Variants in ERI3 observed in about 807,000 individuals in gnomAD.
ERI3 encodes the protein ERI1 exoribonuclease family member 3.
Under a neutral mutation model 44.4 loss-of-function variants are expected in ERI3, and 18 were observed. The observed-to-expected ratio is 0.41, with a 90% CI of 0.28 to 0.60. The LOEUF (loss-of-function observed/expected upper bound fraction) is 0.60, where lower values mean the gene tolerates loss of function less well. Among genes scored for constraint, ERI3 ranks in the 20% least tolerant of loss-of-function variants. The pLI is 0.36. For missense variants in ERI3, 294 were observed against 435.5 expected, an observed-to-expected ratio of 0.68 and a Z score of 2.89; for synonymous variants, 183 against 164.8, an observed-to-expected ratio of 1.11 and a Z score of -0.84.
intron 7 of ERI3, 113 bp downstream of exon 7, chr1:44,284,722 A>G: frequency 1.3e-6 from 1 of 777,632 alleles, no homozygotes; most frequent in Non-Finnish European, 2.2e-6. Flanking sequence ...AAGAAAAGAG[A>G]AGAACAAAAA....
rs772693706 is a variant in ERI3 at position 44,319,654 on chromosome 1, G to C, written c.580C>G (p.Pro194Ala). ...FHMYVQPVVH[P>A]QLTPFCTELT... is the part of the protein sequence containing the mutation. ...TCTGTACAGAATGGGGTAAGCTGTG[G>C]ATGGACTACAGGCTGGACATACATG... Residue 194 changes from proline (P) to alanine (A), a missense_variant, in exon 4 of 9, where the codon CCA (proline) becomes GCA (alanine). Pro to Ala is a conservative substitution (Grantham distance 27). Around this residue, in one of 2 missense-constraint regions of ERI3, gnomAD observed 187 missense variants for 338.6 expected, o/e 0.55. Transcript: ENST00000372257. 6.2e-7 allele frequency: 1 copy of C among 1,613,986 alleles called. No individual in the cohort carries two copies. The highest frequency in any genetic ancestry group is 1.3e-5 in the African/African-American group (1 of 75,032).
At chr1:44,258,432 G>A (rs543651013) in intron 7 of ERI3, among the ~76,000 whole-genome samples, 2 of 152,202 alleles carry the variant, frequency 1.3e-5, no homozygotes, top group Non-Finnish European at 2.9e-5. Context: ...TTCCCCCTGG[G>A]AAAAAGAAGA....
At chr1:44,262,526 C>G (rs1319363123) in intron 7 of ERI3, among the ~76,000 whole-genome samples, 1 of 152,210 alleles carries the variant, frequency 6.6e-6, no homozygotes, top group Non-Finnish European at 1.5e-5. Context: ...TCTGGGCACC[C>G]ACGCCCTCAC....
intron 7 of ERI3, among the ~76,000 whole-genome samples, chr1:44,272,872 A>AAAATG (rs1475213247): frequency 7.2e-6 from 1 of 139,416 alleles, no homozygotes; most frequent in Non-Finnish European, 1.7e-5. Flanking sequence ...AAAATAAAAT[A>AAAATG]AAATAAAATA....
chr1:44,281,878 A>ATGTGTGTGTGTGTG (rs10574197), intron 7 of ERI3, among the ~76,000 whole-genome samples: 61 of 127,014 alleles, frequency 4.8e-4, no homozygotes, highest in Middle Eastern at 4.1e-3. Flanking sequence ...ACATGTGCAT[A>ATGTGTGTGTGTGTG]TGTGTGTGTG....
At chr1:44,318,881 C>A (rs985314505) in intron 4 of ERI3, among the ~76,000 whole-genome samples, 2 of 152,262 alleles carry the variant, frequency 1.3e-5, no homozygotes, top group Non-Finnish European at 2.9e-5. Context: ...TTGGCCACCA[C>A]TGAGTGCATT....
At chr1:44,261,227 C>T (rs767894028) in intron 7 of ERI3, among the ~76,000 whole-genome samples, 3 of 152,220 alleles carry the variant, frequency 2.0e-5, no homozygotes, top group Non-Finnish European at 2.9e-5. Context: ...CAGGTAGGAG[C>T]GGGGTGGGCC....
chr1:44,299,157 T>C (rs1484400311), intron 6 of ERI3, among the ~76,000 whole-genome samples: 1 of 152,126 alleles, frequency 6.6e-6, no homozygotes, highest in Non-Finnish European at 1.5e-5. Context: ...CATTTGTGTA[T>C]TTATGCATCT....
chr1:44,266,825 C>G (rs1223982792), intron 7 of ERI3, among the ~76,000 whole-genome samples: 1 of 152,234 alleles, frequency 6.6e-6, no homozygotes, highest in African/African-American at 2.4e-5. Flanking sequence ...GATCTCTGAT[C>G]TCTGCCCTCA....
At chr1:44,319,595 G>A (rs750551825) in intron 4 of ERI3, 33 bp downstream of exon 4, 1 of 1,503,474 alleles carries the variant, frequency 6.7e-7, no homozygotes, top group South Asian at 1.1e-5. Context: ...TCCCCTCCCA[G>A]CAGCCCCTGC....
At chr1:44,314,430 A>G (rs1322235952) in intron 4 of ERI3, among the ~76,000 whole-genome samples, 1 of 152,180 alleles carries the variant, frequency 6.6e-6, no homozygotes, top group Non-Finnish European at 1.5e-5. Context: ...AACTGTTTTT[A>G]TATTAATCTG....
chr1:44,322,974 C>A (rs1201572621), intron 3 of ERI3: 2 of 1,363,984 alleles, frequency 1.5e-6, no homozygotes, highest in Non-Finnish European at 9.6e-7. Flanking sequence ...CAAGTGCCAG[C>A]CTCTATGTCC....
intron 6 of ERI3, among the ~76,000 whole-genome samples, chr1:44,289,312 AC>A (rs755062552): frequency 6.6e-5 from 10 of 152,146 alleles, no homozygotes; most frequent in Non-Finnish European, 1.0e-4. Flanking sequence ...CTTTCCAAAG[AC>A]TATGGGTCTA....
chr1:44,325,953 G>A (rs1481352624), intron 3 of ERI3, among the ~76,000 whole-genome samples: 1 of 152,192 alleles, frequency 6.6e-6, no homozygotes, highest in East Asian at 1.9e-4. Flanking sequence ...CCAGCCCAGA[G>A]GGTTTAATAG....
intron 7 of ERI3, among the ~76,000 whole-genome samples, chr1:44,258,502 C>T (rs1414819322): frequency 6.6e-6 from 1 of 152,168 alleles, no homozygotes; most frequent in Non-Finnish European, 1.5e-5. Context: ...GTTCATGTAA[C>T]ACCCATTTAT....
chr1:44,322,703 A>T (rs767553053), intron 3 of ERI3: 59 of 1,537,376 alleles, frequency 3.8e-5, no homozygotes, highest in Non-Finnish European at 4.5e-5. Context: ...AGCAGCAAGG[A>T]CCTCACTGAG....
At chr1:44,313,568 A>G (rs1044703364) in intron 4 of ERI3, among the ~76,000 whole-genome samples, 2 of 152,316 alleles carry the variant, frequency 1.3e-5, no homozygotes, top group Middle Eastern at 6.8e-3. Flanking sequence ...TTTGTATTCA[A>G]TAGGCTCAAT....
intron 1 of ERI3, chr1:44,353,920 G>A (rs1033879314): frequency 1.0e-6 from 1 of 985,204 alleles, no homozygotes. Flanking sequence ...AGCCAAGTGG[G>A]TTTCTAACCA....
intron 3 of ERI3, among the ~76,000 whole-genome samples, chr1:44,332,478 A>G (rs1557859192): frequency 6.6e-6 from 1 of 152,196 alleles, no homozygotes; most frequent in Non-Finnish European, 1.5e-5. Context: ...AGCCTGCTAC[A>G]CACCATGGCA....
Sources: allele counts gnomAD v4.1 joint callset (sites outside exome capture counted in the v4.1 genomes callset), GRCh38; gene constraint gnomAD v4.1.1; regional missense constraint gnomAD v4.1.1; transcripts MANE v1.5; gene names NCBI Gene and HGNC (gene_info 2026-07-23, HGNC 2026-07-21).